MAML2: variants seen among roughly 807,000 people sequenced by gnomAD.
The protein encoded by MAML2 is mastermind like transcriptional coactivator 2.
MAML2 carries 22 observed loss-of-function variants against 96.1 expected under a neutral mutation model. The ratio of observed to expected loss-of-function variants is 0.23; its 90% CI spans 0.16 to 0.33. The LOEUF is 0.33. Among genes scored for constraint, MAML2 ranks in the 10% least tolerant of loss-of-function variants. The pLI is 1.00. For missense variants in MAML2, 1,367 were observed against 1,392.4 expected, an observed-to-expected ratio of 0.98 and a Z score of 0.29; for synonymous variants, 561 against 521.3, an observed-to-expected ratio of 1.08 and a Z score of -1.04.
intron 2 of MAML2, among the ~76,000 whole-genome samples, chr11:96,015,482 A>G (rs991747454): frequency 2.0e-5 from 3 of 151,410 alleles, no homozygotes; most frequent in African/African-American, 4.9e-5. Context: ...TGTGAAATAT[A>G]AAAGAATGAA....
intron 1 of MAML2, among the ~76,000 whole-genome samples, chr11:96,328,092 T>C (rs1341360771): frequency 6.6e-6 from 1 of 151,854 alleles, no homozygotes; most frequent in Non-Finnish European, 1.5e-5. Context: ...TGATATTCCA[T>C]CCCCCCAAAA....
rs377310053 is a variant in MAML2 at position 95,999,080 on chromosome 11, A to G, written c.2140-7357T>C. Among the ~76,000 whole-genome samples, 74 of 152,300 alleles carry G rather than the reference A, an allele frequency of 4.9e-4. 2 individuals are homozygous for G. The highest frequency in any genetic ancestry group is 1.7e-3 in the African/African-American group (69 of 41,572). ...GAAGTCCTTTTGTAAAAAAGTCCAA[A>G]TTAAAAAATTAAGAACAAACCTCAC... On this transcript the variant is annotated intron_variant, in intron 2 of 4. Transcript: ENST00000524717.
chr11:96,287,056 C>CA (rs1247230243), intron 1 of MAML2, among the ~76,000 whole-genome samples: 2 of 151,972 alleles, frequency 1.3e-5, no homozygotes, highest in South Asian at 2.1e-4. Flanking sequence ...AGATACTGAG[C>CA]AAAAAAATCA....
intron 1 of MAML2, among the ~76,000 whole-genome samples, chr11:96,136,714 A>G (rs900973103): frequency 6.6e-6 from 1 of 152,194 alleles, no homozygotes. Flanking sequence ...TTTCTCCTCA[A>G]TAATAAAGAA....
chr11:96,120,729 A>C, intron 1 of MAML2, among the ~76,000 whole-genome samples: 1 of 152,128 alleles, frequency 6.6e-6, no homozygotes, highest in Non-Finnish European at 1.5e-5. Flanking sequence ...TCCTCCCTCT[A>C]ACCTTCTGAA....
chr11:96,221,689 C>CTTTTTTTTTTTTTTTTTTTTTTT, intron 1 of MAML2, among the ~76,000 whole-genome samples: 1 of 105,780 alleles, frequency 9.5e-6, no homozygotes, highest in Non-Finnish European at 1.9e-5. Context: ...TTCAGTCAAG[C>CTTTTTTTTTTTTTTTTTTTTTTT]TTTTTTTTTT....
At chr11:96,013,118 T>C (rs1254805467) in intron 2 of MAML2, among the ~76,000 whole-genome samples, 1 of 152,210 alleles carries the variant, frequency 6.6e-6, no homozygotes, top group East Asian at 1.9e-4. Context: ...GAGAGAGTTA[T>C]GAGATACAGA....
chr11:96,072,052 G>T (rs895563120), intron 2 of MAML2, among the ~76,000 whole-genome samples: 1 of 152,128 alleles, frequency 6.6e-6, no homozygotes, highest in African/African-American at 2.4e-5. Flanking sequence ...GATTTTACAG[G>T]ATGTAGAAAT....
In MAML2 at chr11:96,014,971, A is replaced by G. The variant is rs551457763; in HGVS notation, c.2140-23248T>C. Among the ~76,000 whole-genome samples, 3 of 152,330 alleles carry G rather than the reference A, an allele frequency of 2.0e-5. No homozygotes were observed. In the South Asian group the frequency reaches 6.2e-4, roughly 32 times the overall value. On this transcript the variant is annotated intron_variant, in intron 2 of 4. Coordinates refer to ENST00000524717, the MANE Select transcript of MAML2 (RefSeq NM_032427.4). ...AGTCACTACACTGGGCACTTTATAC[A>G]CGATCACATTTCATAACTATAATAA...
At chr11:96,171,241 T>C (rs1861290478) in intron 1 of MAML2, among the ~76,000 whole-genome samples, 1 of 152,128 alleles carries the variant, frequency 6.6e-6, no homozygotes. Context: ...GAATACACAC[T>C]CTTCATTGTC....
intron 1 of MAML2, among the ~76,000 whole-genome samples, chr11:96,104,062 C>T (rs1859980349): frequency 6.6e-6 from 1 of 152,160 alleles, no homozygotes; most frequent in African/African-American, 2.4e-5. Flanking sequence ...ATTCCATGGC[C>T]ATTCCATCTA....
rs555108741 is a variant in MAML2 at position 95,993,527 on chromosome 11, T to C, written c.2140-1804A>G. On this transcript the variant is annotated intron_variant, in intron 2 of 4. Transcript: ENST00000524717. ...CAGAGGTTGCAGCGACCCGAGATTG[T>C]GCCGCTGCACTCCAGCCTGGGTGAC... is the stretch of plus-strand genomic sequence containing the variant. Among the ~76,000 whole-genome samples the C allele has an allele frequency of 1.2e-4, 19 of 152,234 alleles. No individual in the cohort carries two copies. The East Asian group carries it at 3.3e-3, about 26-fold the overall frequency.
In MAML2 at chr11:96,114,139, G is replaced by A. The variant is rs1402502674; in HGVS notation, c.514-20622C>T. 4.6e-5 allele frequency among the ~76,000 whole-genome samples: 7 copies of A among 152,084 alleles called. No homozygotes were observed. In the East Asian group the frequency reaches 1.4e-3, roughly 29 times the overall value. ...TTGCTACATTGCCTAGGCTGGTCTT[G>A]AACTCCTGACCTCAAGTGATCCTCC... On this transcript the variant is annotated intron_variant, in intron 1 of 4. Transcript: ENST00000524717.
chr11:96,073,911 T>G (rs886466793), intron 2 of MAML2, among the ~76,000 whole-genome samples: 2 of 152,218 alleles, frequency 1.3e-5, no homozygotes, highest in Non-Finnish European at 2.9e-5. Flanking sequence ...AATAAGTTTT[T>G]GTTTGCTAAA....
At chr11:96,163,261 T>A (rs1861142337) in intron 1 of MAML2, among the ~76,000 whole-genome samples, 1 of 152,196 alleles carries the variant, frequency 6.6e-6, no homozygotes, top group South Asian at 2.1e-4. Flanking sequence ...TCATCTCTCA[T>A]TCCCTGTCAA....
At chr11:96,244,596 A>G (rs1209375485) in intron 1 of MAML2, among the ~76,000 whole-genome samples, 2 of 152,258 alleles carry the variant, frequency 1.3e-5, no homozygotes, top group Non-Finnish European at 2.9e-5. Flanking sequence ...TCTGAGCACT[A>G]TGTGCCAATT....
At chr11:96,010,781 T>C (rs1858254645) in intron 2 of MAML2, among the ~76,000 whole-genome samples, 1 of 152,208 alleles carries the variant, frequency 6.6e-6, no homozygotes, top group Admixed American at 6.5e-5. Flanking sequence ...CTGGGGATAG[T>C]AAGCATAATC....
chr11:96,245,115 T>C lies in MAML2; in HGVS notation c.513+96268A>G, dbSNP rs569921681. On this transcript the variant is annotated intron_variant, in intron 1 of 4. Coordinates refer to ENST00000524717, the MANE Select transcript of MAML2 (RefSeq NM_032427.4). ...CTGACATACAAAATATAATACTCAGTGTATCTCTCAAAAGACAATTTTTCT... is the reference window on the plus strand; with the variant it reads ...CTGACATACAAAATATAATACTCAGCGTATCTCTCAAAAGACAATTTTTCT... Among the ~76,000 whole-genome samples the C allele has an allele frequency of 3.3e-5, 5 of 152,240 alleles. No individual in the cohort carries two copies. In the East Asian group the frequency reaches 9.6e-4, roughly 29 times the overall value.
At chr11:96,070,702 C>T (rs890819567) in intron 2 of MAML2, among the ~76,000 whole-genome samples, 5 of 152,222 alleles carry the variant, frequency 3.3e-5, no homozygotes, top group African/African-American at 9.6e-5. Context: ...GGATCCAGGT[C>T]GGTAGTGTGA....
Sources: gnomAD v4.1 joint callset for allele counts (sites outside exome capture counted in the v4.1 genomes callset) on GRCh38, gnomAD v4.1.1 for gene constraint, MANE v1.5 for transcripts, NCBI Gene and HGNC (gene_info 2026-07-23, HGNC 2026-07-21) for gene names.